The following SSU72 variants were observed in gnomAD, a reference collection of about 807,000 sequenced individuals.
SSU72 encodes RNA polymerase II subunit A C-terminal domain phosphatase SSU72.
A neutral mutation model predicts 22.7 loss-of-function variants in SSU72; 12 were observed. The ratio of observed to expected loss-of-function variants is 0.53; its 90% CI spans 0.34 to 0.86. The LOEUF is 0.86. Among genes scored for constraint, SSU72 ranks in the 40% least tolerant of loss-of-function variants. The probability of loss-of-function intolerance (pLI) is 0.02; values close to 1 mark genes in which losing one functional copy is unlikely to be tolerated. For missense variants in SSU72, 151 were observed against 249.8 expected, an observed-to-expected ratio of 0.60 and a Z score of 2.67; for synonymous variants, 116 against 98.3, an observed-to-expected ratio of 1.18 and a Z score of -1.06.
intron 2 of SSU72, among the ~76,000 whole-genome samples, chr1:1,549,463 T>C (rs558921198): frequency 6.2e-5 from 9 of 144,018 alleles, no homozygotes; most frequent in African/African-American, 2.4e-4. Context: ...GAGCTTGCAG[T>C]GAGCAAGATC....
chr1:1,541,965 T>C lies in SSU72; in HGVS notation c.*101A>G. ...TATGCACAGTTTATTTGGGTAATGC[T>C]ACCGTCACCAGCAGAACACCTGTAA... On this transcript the variant is annotated 3_prime_UTR_variant, in exon 5 of 5. Transcript: ENST00000291386. The C allele has an allele frequency of 8.9e-7, 1 of 1,125,984 alleles. No individual in the cohort carries two copies. Among genetic ancestry groups the C allele is most frequent in the Non-Finnish European group, 1.3e-6 (1 of 771,326 alleles). 69.7% of individuals were successfully genotyped at this position (1,125,984 alleles called of 1,614,324 possible).
Position 1,564,842 on chromosome 1 carries a change from G to A in SSU72, c.155C>T (p.Pro52Leu), listed in dbSNP as rs1642639367. The A allele has an allele frequency of 6.2e-7, 1 of 1,614,116 alleles. No homozygotes were observed. Among genetic ancestry groups the A allele is most frequent in the Non-Finnish European group, 8.5e-7 (1 of 1,180,028 alleles). The change falls in exon 2 of 5, where the codon CCC (proline) becomes CTC (leucine). Residue 52 changes from proline (P) to leucine (L), a missense_variant. Physicochemically the swap from Pro to Leu is moderately conservative, Grantham distance 98. Coordinates refer to ENST00000291386, the MANE Select transcript of SSU72 (RefSeq NM_014188.3). ...TGTGGTTTTGAAATCATAAACATTG[G>A]GCTTGTCGGGAGCTGGTCCTGGAAG... ...VKLPGPAPDK[P>L]NVYDFKTTYD...
Position 1,542,042 on chromosome 1 carries a change from G to C in SSU72, c.*24C>G, listed in dbSNP as rs1255349784. 18 of 1,558,154 alleles carry C rather than the reference G, an allele frequency of 1.2e-5. No homozygotes were observed. The highest frequency in any genetic ancestry group is 1.6e-5 in the Non-Finnish European group (18 of 1,149,990). The stretch of plus-strand genomic sequence containing the variant: ...AGTATGAACAACAGGAAGCTCCAGA[G>C]GCGGCTCCATGCGGGCGCTGGGCTC... On this transcript the variant is annotated 3_prime_UTR_variant, in exon 5 of 5. Transcript: ENST00000291386. The surrounding 1 kb of genome is among the most constrained non-coding windows in gnomAD (Gnocchi z 4.4).
intron 2 of SSU72, chr1:1,562,496 A>C (rs1642605834): frequency 6.6e-6 from 1 of 152,222 alleles, no homozygotes; most frequent in African/African-American, 2.4e-5. Context: ...GCACCGCCTA[A>C]GACTCAGAGG....
intron 2 of SSU72, chr1:1,564,277 T>C (rs1642631174): frequency 2.0e-6 from 1 of 507,590 alleles, no homozygotes; most frequent in Admixed American, 3.7e-5. Context: ...GAATGTTCTC[T>C]CCCATTATTT....
At chr1:1,574,175 T>C (rs1463245948) in intron 1 of SSU72, among the ~76,000 whole-genome samples, 1 of 151,952 alleles carries the variant, frequency 6.6e-6, no homozygotes, top group Non-Finnish European at 1.5e-5. Flanking sequence ...AATACCATGA[T>C]CGGCCGCCGC....
intron 4 of SSU72, among the ~76,000 whole-genome samples, chr1:1,543,277 C>A (rs1642346828): frequency 6.6e-6 from 1 of 152,208 alleles, no homozygotes. Flanking sequence ...TGGCAGCCTC[C>A]AGGCTCACGT....
At chr1:1,568,486 C>G (rs1172047698) in intron 1 of SSU72, among the ~76,000 whole-genome samples, 2 of 151,948 alleles carry the variant, frequency 1.3e-5, no homozygotes, top group African/African-American at 4.8e-5. Context: ...CGCCTGTAAT[C>G]CCAGTTACTC....
intron 2 of SSU72, among the ~76,000 whole-genome samples, chr1:1,560,505 T>A (rs1231484619): frequency 6.6e-6 from 1 of 152,162 alleles, no homozygotes; most frequent in African/African-American, 2.4e-5. Flanking sequence ...CAAGGGAGGT[T>A]TCAGAGGCAC....
At chr1:1,550,954 G>A (rs910336262) in intron 2 of SSU72, among the ~76,000 whole-genome samples, 3 of 152,006 alleles carry the variant, frequency 2.0e-5, no homozygotes, top group African/African-American at 7.2e-5. Flanking sequence ...TTGGGCCCAG[G>A]TTTCTGCTGT....
intron 2 of SSU72, among the ~76,000 whole-genome samples, chr1:1,546,695 G>A (rs1283445003): frequency 6.6e-6 from 1 of 151,988 alleles, no homozygotes; most frequent in Non-Finnish European, 1.5e-5. Context: ...AAGTTAGCCA[G>A]GTGGGGCGGC....
In SSU72 at chr1:1,542,319, G is replaced by A. The variant is rs945345603; in HGVS notation, c.484-152C>T. On this transcript the variant is annotated intron_variant, in intron 4 of 4. Coordinates refer to ENST00000291386, the MANE Select transcript of SSU72 (RefSeq NM_014188.3). The surrounding 1 kb of genome is among the most constrained non-coding windows in gnomAD (Gnocchi z 4.4). ...CCCACCGCTGCTGCCTCACAAGGACGGCCGGAGGCTGCAGGGGGAGAGCGT... is the reference window on the plus strand; with the variant it reads ...CCCACCGCTGCTGCCTCACAAGGACAGCCGGAGGCTGCAGGGGGAGAGCGT... The A allele has an allele frequency of 2.6e-5, 19 of 719,318 alleles. No individual in the cohort carries two copies. Among genetic ancestry groups the A allele is most frequent in the African/African-American group, 3.6e-5 (2 of 56,278 alleles). The allele number at this position is 719,318 out of a possible 1,614,324, so 44.6% of individuals were successfully genotyped here.
chr1:1,548,906 CCA>C (rs1642424175), intron 2 of SSU72, among the ~76,000 whole-genome samples: 1 of 152,230 alleles, frequency 6.6e-6, no homozygotes, highest in Non-Finnish European at 1.5e-5. Context: ...CACTCCCGTC[CCA>C]CAGTGACGTC....
intron 1 of SSU72, among the ~76,000 whole-genome samples, chr1:1,565,533 C>G (rs1319094066): frequency 1.6e-5 from 2 of 124,040 alleles, no homozygotes; most frequent in Non-Finnish European, 3.2e-5. Flanking sequence ...TTTGGAGGAT[C>G]CAAGTTCACA....
chr1:1,546,640 C>G (rs868225748), intron 2 of SSU72, among the ~76,000 whole-genome samples: 1 of 151,958 alleles, frequency 6.6e-6, no homozygotes, highest in Non-Finnish European at 1.5e-5. Context: ...TGTTTGAGAC[C>G]AGCCTGGCCA....
In SSU72 at chr1:1,554,361, C is replaced by T. The variant is rs977075731; in HGVS notation, c.225-9359G>A. On this transcript the variant is annotated intron_variant, in intron 2 of 4. Coordinates refer to ENST00000291386, the MANE Select transcript of SSU72 (RefSeq NM_014188.3). The surrounding 1 kb of genome is among the most constrained non-coding windows in gnomAD (Gnocchi z 4.1). ...GATCCGGACCACTCGGGGGTCCCCACGAAGCTGAGCATGAGGCGGATCCGG... is the reference window on the plus strand; with the variant it reads ...GATCCGGACCACTCGGGGGTCCCCATGAAGCTGAGCATGAGGCGGATCCGG... Among the ~76,000 whole-genome samples the T allele has an allele frequency of 6.6e-6, 1 of 151,892 alleles. No individual in the cohort carries two copies. The highest frequency in any genetic ancestry group is 2.4e-5 in the African/African-American group (1 of 41,336).
Position 1,552,102 on chromosome 1 carries a change from G to A in SSU72, c.225-7100C>T, listed in dbSNP as rs750302746. 3.6e-3 allele frequency among the ~76,000 whole-genome samples: 548 copies of A among 152,350 alleles called. 4 individuals are homozygous for A. The highest frequency in any genetic ancestry group is 4.4e-3 in the Non-Finnish European group (299 of 68,040). ...CTGCTACACGTGTGCAGCAGCAGAT[G>A]CTCTGGAGGGCGCCGGCTGCCCCAG... On this transcript the variant is annotated intron_variant, in intron 2 of 4. Coordinates refer to ENST00000291386, the MANE Select transcript of SSU72 (RefSeq NM_014188.3).
rs1045899159 is a variant in SSU72, at chr1:1,562,924, T to G, written c.224+1849A>C. ...ACAGTCCCTGGGGACTTACACTGAC[T>G]TGCAGTGAGAGCCCACATCTGCCAC... is the stretch of plus-strand genomic sequence containing the variant. On this transcript the variant is annotated intron_variant, in intron 2 of 4. Coordinates refer to ENST00000291386, the MANE Select transcript of SSU72 (RefSeq NM_014188.3). 3 of 152,332 alleles carry G rather than the reference T, an allele frequency of 2.0e-5. No individual in the cohort carries two copies. The South Asian group carries it at 6.2e-4, about 32-fold the overall frequency. The allele number at this position is 152,332 out of a possible 1,614,324, so 9.4% of individuals were successfully genotyped here. A position where few individuals can be genotyped will look rare whatever the true frequency, so the allele number is the denominator to read the frequency against.
In SSU72 at chr1:1,543,868, C is replaced by T. The variant is rs1340855450; in HGVS notation, c.483+1G>A. 1.2e-6 allele frequency: 2 copies of T among 1,611,986 alleles called. No individual in the cohort carries two copies. The highest frequency in any genetic ancestry group is 8.5e-7 in the Non-Finnish European group (1 of 1,178,782). ...AGCGCGGCGCCCAGCCGGGTACTTA[C>T]ACACTGGCAGAGCTCACAGATGAGA... is the stretch of plus-strand genomic sequence containing the variant. On this transcript the variant is annotated splice_donor_variant, in intron 4 of 4. Transcript: ENST00000291386. LOFTEE classifies it high-confidence loss of function.
Sources: gnomAD v4.1 joint callset for allele counts (sites outside exome capture counted in the v4.1 genomes callset) on GRCh38, gnomAD v4.1.1 for gene constraint, Gnocchi (gnomAD v3.1) non-coding constraint, MANE v1.5 for transcripts, NCBI Gene and HGNC (gene_info 2026-07-23, HGNC 2026-07-21) for gene names.